Variants in IL1RAPL1 observed in about 807,000 individuals in gnomAD.
IL1RAPL1 encodes the protein interleukin-1 receptor accessory protein-like 1.
IL1RAPL1 carries 3 observed loss-of-function variants against 48.4 expected under a neutral mutation model. That is an observed-to-expected ratio of 0.06 (90% confidence interval 0.03 to 0.16). IL1RAPL1 has a LOEUF of 0.16. Among genes scored for constraint, IL1RAPL1 ranks in the 10% least tolerant of loss-of-function variants. IL1RAPL1 has a pLI of 1.00. For missense variants in IL1RAPL1, 349 were observed against 530.6 expected (o/e 0.66, Z 3.36); for synonymous variants, 185 against 187.7 (o/e 0.99, Z 0.12).
intron 5 of IL1RAPL1, among the ~76,000 whole-genome samples, chrX:29,469,606 T>C (rs915792430): frequency 2.7e-5 from 3 of 111,764 alleles, no homozygotes; most frequent in Non-Finnish European, 5.6e-5. Flanking sequence ...AGTACCAATA[T>C]ATCTCTTAGT....
intron 3 of IL1RAPL1, among the ~76,000 whole-genome samples, chrX:29,301,408 A>C (rs2147611604): frequency 8.9e-6 from 1 of 112,176 alleles, no homozygotes; most frequent in South Asian, 3.7e-4. Context: ...CTACTCACAT[A>C]AAAATGTTAT....
At chrX:29,549,454 A>G (rs1921732714) in intron 5 of IL1RAPL1, among the ~76,000 whole-genome samples, 1 of 111,356 alleles carries the variant, frequency 9.0e-6, no homozygotes, top group African/African-American at 3.3e-5. Flanking sequence ...ATTATTAGTT[A>G]TCGTTGTTAA....
intron 6 of IL1RAPL1, among the ~76,000 whole-genome samples, chrX:29,758,667 G>A (rs1467444772): frequency 9.3e-6 from 1 of 107,481 alleles, no homozygotes; most frequent in Non-Finnish European, 1.9e-5. Flanking sequence ...TTGCACTCCA[G>A]CCTGTGCAAC....
intron 5 of IL1RAPL1, among the ~76,000 whole-genome samples, chrX:29,529,919 G>A (rs545485038): frequency 9.0e-6 from 1 of 111,381 alleles, no homozygotes; most frequent in Middle Eastern, 4.6e-3. Context: ...TAACTTTTCT[G>A]TAATTTTGAA....
chrX:28,891,690 A>G (rs1922773827), intron 2 of IL1RAPL1, among the ~76,000 whole-genome samples: 1 of 112,345 alleles, frequency 8.9e-6, no homozygotes, highest in South Asian at 3.7e-4. Context: ...GTAGACATTT[A>G]GGTTGTTTCC....
At chrX:28,814,338 G>T (rs1225595115) in intron 2 of IL1RAPL1, among the ~76,000 whole-genome samples, 1 of 63,654 alleles carries the variant, frequency 1.6e-5, no homozygotes, top group African/African-American at 6.7e-5. Flanking sequence ...GCAATTTTCA[G>T]GTTTGTGTGT....
At chrX:29,855,348 A>G (rs934994017) in intron 6 of IL1RAPL1, among the ~76,000 whole-genome samples, 1 of 112,340 alleles carries the variant, frequency 8.9e-6, no homozygotes. Context: ...GTACGCTCAT[A>G]TGCGCATGCG....
intron 9 of IL1RAPL1, among the ~76,000 whole-genome samples, chrX:29,948,237 A>G (rs1359015379): frequency 9.0e-6 from 1 of 111,545 alleles, no homozygotes; most frequent in Non-Finnish European, 1.9e-5. Flanking sequence ...TACCACAGAT[A>G]TTTTAACTAG....
intron 1 of IL1RAPL1, among the ~76,000 whole-genome samples, chrX:28,601,440 A>T (rs748223378): frequency 9.0e-6 from 1 of 111,161 alleles, no homozygotes; most frequent in East Asian, 2.8e-4. Context: ...AAAACAAAAC[A>T]AAACATACAA....
At chrX:29,143,649 C>T (rs193104563) in intron 2 of IL1RAPL1, among the ~76,000 whole-genome samples, 21 of 111,879 alleles carry the variant, frequency 1.9e-4, no homozygotes, top group African/African-American at 6.2e-4. Context: ...GTCATGGTAT[C>T]GCATGACAGT....
chrX:29,540,108 A>G (rs1278037815), intron 5 of IL1RAPL1, among the ~76,000 whole-genome samples: 1 of 111,913 alleles, frequency 8.9e-6, no homozygotes, highest in Non-Finnish European at 1.9e-5. Context: ...AGTGTACAAA[A>G]ATTAGTAGCA....
intron 1 of IL1RAPL1, among the ~76,000 whole-genome samples, chrX:28,688,591 G>C (rs142794654): frequency 1.7e-3 from 185 of 111,661 alleles, no homozygotes; most frequent in African/African-American, 4.9e-3. Context: ...CTGTGAATTA[G>C]GCATTATTAT....
At chrX:29,112,451 G>T (rs187208063) in intron 2 of IL1RAPL1, among the ~76,000 whole-genome samples, 3 of 103,249 alleles carry the variant, frequency 2.9e-5, no homozygotes, top group African/African-American at 1.1e-4. Flanking sequence ...GTCTTTGAAT[G>T]GTGTGAGTGA....
intron 5 of IL1RAPL1, among the ~76,000 whole-genome samples, chrX:29,650,194 A>G (rs1925470888): frequency 8.9e-6 from 1 of 111,932 alleles, no homozygotes; most frequent in Admixed American, 9.5e-5. Flanking sequence ...TACAATGTCC[A>G]TACTACTCAA....
At chrX:28,862,728 T>C (rs897467044) in intron 2 of IL1RAPL1, among the ~76,000 whole-genome samples, 1 of 112,287 alleles carries the variant, frequency 8.9e-6, no homozygotes, top group South Asian at 3.7e-4. Context: ...TACATTTCAG[T>C]GTCCTGGCTA....
rs776880761 is a variant in IL1RAPL1 at position 29,108,249 on chromosome X, T to C, written c.83-174689T>C. 6.8e-4 allele frequency among the ~76,000 whole-genome samples: 76 copies of C among 111,979 alleles called. 1 individual carries two copies. The Admixed American group carries it at 7.2e-3, about 11-fold the overall frequency. ...TTATGCTTGTGAGATTTACTCACACTGTGGCTTGTAGTTGTAGATAGTTCA... is the reference window on the plus strand; with the variant it reads ...TTATGCTTGTGAGATTTACTCACACCGTGGCTTGTAGTTGTAGATAGTTCA... On this transcript the variant is annotated intron_variant, in intron 2 of 10. Transcript: ENST00000378993.
At chrX:29,639,185 C>CAAAAAA (rs57219766) in intron 5 of IL1RAPL1, among the ~76,000 whole-genome samples, 81 of 53,284 alleles carry the variant, frequency 1.5e-3, no homozygotes, top group African/African-American at 4.5e-3. Context: ...GACTCCGTCT[C>CAAAAAA]AAAAAAAAAA....
chrX:28,902,069 T>G lies in IL1RAPL1; in HGVS notation c.82+112644T>G, dbSNP rs565974468. Among the ~76,000 whole-genome samples the G allele has an allele frequency of 2.9e-4, 32 of 111,994 alleles. No individual in the cohort carries two copies. In the South Asian group the frequency reaches 0.012, roughly 42 times the overall value. On this transcript the variant is annotated intron_variant, in intron 2 of 10. Coordinates refer to ENST00000378993, the MANE Select transcript of IL1RAPL1 (RefSeq NM_014271.4). The stretch of plus-strand genomic sequence containing the variant: ...TTCTCCAGAAATCGTCAGTAAGACC[T>G]TCCCAAAGTTCTATATTCATGTCAG...
chrX:29,681,308 A>G (rs1306832333), intron 6 of IL1RAPL1, among the ~76,000 whole-genome samples: 1 of 112,385 alleles, frequency 8.9e-6, no homozygotes, highest in Non-Finnish European at 1.9e-5. Context: ...CTGTTCCATC[A>G]TATTATAGAT....
Sources: gnomAD v4.1 joint callset for allele counts (sites outside exome capture counted in the v4.1 genomes callset) on GRCh38, gnomAD v4.1.1 for gene constraint, MANE v1.5 for transcripts, NCBI Gene and HGNC (gene_info 2026-07-23, HGNC 2026-07-21) for gene names.